The following BACH2 variants were observed in gnomAD, a reference collection of about 807,000 sequenced individuals.
BACH2 encodes the protein BACH transcriptional regulator 2.
Under a neutral mutation model 61.8 loss-of-function variants are expected in BACH2, and 5 were observed. The ratio of observed to expected loss-of-function variants is 0.08; its 90% CI spans 0.04 to 0.17. The LOEUF is 0.17. BACH2 is among the 10% of genes least tolerant of loss of function. The pLI is 1.00. For missense variants in BACH2, 824 were observed against 1,091.1 expected, an observed-to-expected ratio of 0.76 and a Z score of 3.45; for synonymous variants, 446 against 440.1, an observed-to-expected ratio of 1.01 and a Z score of -0.17.
intron 4 of BACH2, among the ~76,000 whole-genome samples, chr6:90,191,366 G>A (rs1193763394): frequency 3.3e-5 from 5 of 152,228 alleles, no homozygotes; most frequent in African/African-American, 4.8e-5. Context: ...CTAGAGACTT[G>A]CTTTAATGAT....
At chr6:90,296,057 G>T (rs1056806514) in intron 1 of BACH2, among the ~76,000 whole-genome samples, 2 of 151,968 alleles carry the variant, frequency 1.3e-5, no homozygotes, top group Non-Finnish European at 2.9e-5. Flanking sequence ...GGGCCTCGCC[G>T]GGCCGGGGGC....
chr6:90,079,265 T>TCCTTGTC (rs1450106641), intron 5 of BACH2, among the ~76,000 whole-genome samples: 1 of 152,196 alleles, frequency 6.6e-6, no homozygotes, highest in African/African-American at 2.4e-5. Flanking sequence ...CGTGTGCTCA[T>TCCTTGTC]CCTTGTCCCT....
At chr6:90,252,820 G>A (rs779489760) in intron 2 of BACH2, among the ~76,000 whole-genome samples, 1 of 152,216 alleles carries the variant, frequency 6.6e-6, no homozygotes, top group Non-Finnish European at 1.5e-5. Flanking sequence ...TCAGTACATG[G>A]AGGTCCAGCA....
chr6:90,210,785 C>A (rs1769319027), intron 3 of BACH2, among the ~76,000 whole-genome samples: 1 of 152,154 alleles, frequency 6.6e-6, no homozygotes, highest in Non-Finnish European at 1.5e-5. Context: ...TTCCACTCAG[C>A]TGATCCTAAC....
chr6:90,211,926 C>T (rs1184479513), intron 3 of BACH2, among the ~76,000 whole-genome samples: 2 of 152,160 alleles, frequency 1.3e-5, no homozygotes, highest in African/African-American at 2.4e-5. Context: ...CCCACCACCA[C>T]GCCCAGCAGC....
intron 2 of BACH2, among the ~76,000 whole-genome samples, chr6:90,268,168 C>T (rs904954217): frequency 6.6e-6 from 1 of 151,868 alleles, no homozygotes; most frequent in African/African-American, 2.4e-5. Flanking sequence ...ACCACCATGC[C>T]CAGCTAATTT....
chr6:90,203,957 A>G (rs1016489375), intron 4 of BACH2, among the ~76,000 whole-genome samples: 1 of 152,206 alleles, frequency 6.6e-6, no homozygotes. Context: ...GTATCAGGGT[A>G]GTCCTGTTAA....
chr6:90,126,385 T>C (rs2127821656), intron 4 of BACH2, among the ~76,000 whole-genome samples: 1 of 152,276 alleles, frequency 6.6e-6, no homozygotes, highest in African/African-American at 2.4e-5. Context: ...ATGCTCTCAG[T>C]GCTACTGGCA....
chr6:90,194,096 T>C (rs1218614062), intron 4 of BACH2, among the ~76,000 whole-genome samples: 1 of 152,038 alleles, frequency 6.6e-6, no homozygotes, highest in Non-Finnish European at 1.5e-5. Context: ...AAGTGGAGCA[T>C]TTCTATCAAG....
At chr6:90,028,022 A>C (rs1011005973) in intron 5 of BACH2, among the ~76,000 whole-genome samples, 9 of 152,202 alleles carry the variant, frequency 5.9e-5, no homozygotes, top group African/African-American at 1.9e-4. Context: ...CAATTTGCTT[A>C]ATTTCCATCC....
chr6:90,103,030 T>TATATATATATATATATATA (rs371402979), intron 4 of BACH2, among the ~76,000 whole-genome samples: 1 of 20,378 alleles, frequency 4.9e-5, no homozygotes, highest in African/African-American at 1.9e-4. Flanking sequence ...TATATATATA[T>TATATATATATATATATATA]TTTTTTTTTT....
Position 89,932,565 on chromosome 6 carries a change from C to T in BACH2, c.2369G>A (p.Cys790Tyr). Reference sequence around the variant, plus strand: ...GCCTTCTAGTCTCCTCCCAGAGGTACAATTCTCGGAGGTGTTGCTGGGTGC... The same window carrying T: ...GCCTTCTAGTCTCCTCCCAGAGGTATAATTCTCGGAGGTGTTGCTGGGTGC... ...PWAPSNTSEN[C>Y]TSGRRLEGTD... Residue 790 changes from cysteine (C) to tyrosine (Y), a missense_variant, in exon 9 of 9, where the codon TGT becomes TAT. By Grantham distance (194) the Cys-to-Tyr change is radical. This residue lies in a region of BACH2 where 135 missense variants were observed against 142.7 expected (regional missense o/e 0.95). Coordinates refer to ENST00000257749, the MANE Select transcript of BACH2 (RefSeq NM_021813.4). The T allele has an allele frequency of 6.2e-7, 1 of 1,614,078 alleles. No homozygotes were observed. Among genetic ancestry groups the T allele is most frequent in the Non-Finnish European group, 8.5e-7 (1 of 1,180,006 alleles).
At chr6:90,229,211 C>T (rs1387886667) in intron 3 of BACH2, among the ~76,000 whole-genome samples, 1 of 152,206 alleles carries the variant, frequency 6.6e-6, no homozygotes, top group Non-Finnish European at 1.5e-5. Context: ...GTAATCCTAG[C>T]ACTTTGGGAG....
intron 5 of BACH2, among the ~76,000 whole-genome samples, chr6:90,059,836 C>T (rs1301549267): frequency 6.6e-6 from 1 of 151,514 alleles, no homozygotes; most frequent in African/African-American, 2.4e-5. Flanking sequence ...GGACATGGAT[C>T]AAGTTGGAAA....
intron 6 of BACH2, among the ~76,000 whole-genome samples, chr6:89,976,213 A>G (rs1007145487): frequency 6.6e-6 from 1 of 152,228 alleles, no homozygotes; most frequent in Non-Finnish European, 1.5e-5. Context: ...GAGTCTGGAG[A>G]ACTGGCTTGG....
In BACH2 at chr6:89,951,093, G is replaced by C. The variant is rs1456657584; in HGVS notation, c.1013C>G (p.Pro338Arg). The C allele has an allele frequency of 6.2e-7, 1 of 1,612,680 alleles. No individual in the cohort carries two copies. Among genetic ancestry groups the C allele is most frequent in the African/African-American group, 1.3e-5 (1 of 74,992 alleles). ...GCTGAACAGAGACCTTAAGCAGGAG[G>C]GCGAGGCCACGCTCCTGGATCTCTC... ...CLERSRSVAS[P>R]SCLRSLFSIT... Residue 338 changes from proline to arginine, a missense_variant, in exon 7 of 9, where the codon CCC (proline) becomes CGC (arginine). By Grantham distance (103) the Pro-to-Arg change is moderately radical (BLOSUM62 -2). Transcript: ENST00000257749. The surrounding 1 kb of genome is among the most constrained non-coding windows in gnomAD (Gnocchi z 6.4).
At chr6:90,244,621 T>C (rs562019792) in intron 3 of BACH2, among the ~76,000 whole-genome samples, 2 of 151,166 alleles carry the variant, frequency 1.3e-5, no homozygotes. Flanking sequence ...CGCGCACACA[T>C]GCGCACACAC....
intron 5 of BACH2, among the ~76,000 whole-genome samples, chr6:90,055,449 G>T (rs190092970): frequency 6.6e-6 from 1 of 152,184 alleles, no homozygotes; most frequent in Non-Finnish European, 1.5e-5. Flanking sequence ...AACGAACAAA[G>T]CCTTCAAGAA....
At chr6:90,166,899 C>A (rs1009353915) in intron 4 of BACH2, among the ~76,000 whole-genome samples, 2 of 117,278 alleles carry the variant, frequency 1.7e-5, no homozygotes, top group Non-Finnish European at 3.5e-5. Flanking sequence ...CACACCAGGG[C>A]CTGTCGTGGG....
Sources: gnomAD v4.1 joint callset for allele counts (sites outside exome capture counted in the v4.1 genomes callset) on GRCh38, gnomAD v4.1.1 for gene constraint, gnomAD v4.1.1 regional missense constraint, Gnocchi (gnomAD v3.1) non-coding constraint, MANE v1.5 for transcripts, NCBI Gene and HGNC (gene_info 2026-07-23, HGNC 2026-07-21) for gene names.